SCHIP1: variants seen among roughly 807,000 people sequenced by gnomAD.
The protein encoded by SCHIP1 is schwannomin interacting protein 1, also known as schwannomin-interacting protein 1.
Under a neutral mutation model 29.7 loss-of-function variants are expected in SCHIP1, and 8 were observed. That is an observed-to-expected ratio of 0.27 (90% confidence interval 0.16 to 0.49). The LOEUF (loss-of-function observed/expected upper bound fraction) is 0.49, where lower values mean the gene tolerates loss of function less well. Ranked by LOEUF, SCHIP1 falls within the 20% of genes least tolerant of loss-of-function variation. The pLI is 0.99. For missense variants in SCHIP1, 193 were observed against 294.6 expected, an observed-to-expected ratio of 0.66 and a Z score of 2.52; for synonymous variants, 76 against 94.9, an observed-to-expected ratio of 0.80 and a Z score of 1.16.
chr3:159,543,463 C>T, the SCHIP1 span, among the ~76,000 whole-genome samples: 3 of 145,812 alleles, frequency 2.1e-5, no homozygotes, highest in Admixed American at 7.1e-5. Context: ...TGAGAACAAG[C>T]GGTGTTTGGT....
the SCHIP1 span, among the ~76,000 whole-genome samples, chr3:159,668,063 C>G: frequency 5.9e-5 from 9 of 152,284 alleles, no homozygotes; most frequent in Admixed American, 5.9e-4. Flanking sequence ...TGTGTGACTG[C>G]AAATTAGGTT....
At chr3:159,548,773 T>C in the SCHIP1 span, among the ~76,000 whole-genome samples, 1 of 152,146 alleles carries the variant, frequency 6.6e-6, no homozygotes, top group African/African-American at 2.4e-5. Flanking sequence ...AAATTTCTTA[T>C]CTCTTTAGTC....
chr3:159,326,522 A>G, the SCHIP1 span, among the ~76,000 whole-genome samples: 1 of 152,116 alleles, frequency 6.6e-6, no homozygotes, highest in African/African-American at 2.4e-5. Context: ...AACATAGCCC[A>G]TTTTTAAGGT....
the SCHIP1 span, among the ~76,000 whole-genome samples, chr3:159,376,182 G>A: frequency 6.6e-6 from 1 of 152,094 alleles, no homozygotes; most frequent in Non-Finnish European, 1.5e-5. Flanking sequence ...ATTAGAAAAA[G>A]GCTACTTACT....
At chr3:159,583,873 ATTC>A in the SCHIP1 span, among the ~76,000 whole-genome samples, 4 of 152,204 alleles carry the variant, frequency 2.6e-5, no homozygotes, top group Admixed American at 2.6e-4. Flanking sequence ...CATCATTTGC[ATTC>A]TTAACATGCC....
the SCHIP1 span, among the ~76,000 whole-genome samples, chr3:159,487,940 G>A: frequency 6.6e-6 from 1 of 152,152 alleles, no homozygotes; most frequent in Non-Finnish European, 1.5e-5. Flanking sequence ...CATAACACAT[G>A]ATCTTAAATA....
the SCHIP1 span, among the ~76,000 whole-genome samples, chr3:159,304,017 C>A: frequency 6.8e-6 from 1 of 147,634 alleles, no homozygotes; most frequent in Non-Finnish European, 1.5e-5. Context: ...CCCCCCTCCC[C>A]CAACCCCACA....
chr3:159,628,332 A>G, the SCHIP1 span, among the ~76,000 whole-genome samples: 1 of 152,320 alleles, frequency 6.6e-6, no homozygotes, highest in South Asian at 2.1e-4. Context: ...TATATTTGGG[A>G]AAATAGTTAA....
At chr3:159,303,767 A>G in the SCHIP1 span, among the ~76,000 whole-genome samples, 1 of 152,196 alleles carries the variant, frequency 6.6e-6, no homozygotes, top group African/African-American at 2.4e-5. Flanking sequence ...CAAAAATAAC[A>G]TAGCCATATT....
chr3:159,693,152 T>C, the SCHIP1 span, among the ~76,000 whole-genome samples: 1 of 152,146 alleles, frequency 6.6e-6, no homozygotes, highest in East Asian at 1.9e-4. Flanking sequence ...CGAATATCAG[T>C]AGGGAGGGGC....
chr3:159,523,549 C>T, the SCHIP1 span, among the ~76,000 whole-genome samples: 1 of 152,028 alleles, frequency 6.6e-6, no homozygotes, highest in African/African-American at 2.4e-5. Context: ...TAGTGTATGT[C>T]TGTAAATGTG....
At chr3:159,818,887 C>T in the SCHIP1 span, among the ~76,000 whole-genome samples, 1 of 152,036 alleles carries the variant, frequency 6.6e-6, no homozygotes, top group Non-Finnish European at 1.5e-5. Context: ...TGGTCCTTAC[C>T]CTCTGTCTTA....
the SCHIP1 span, among the ~76,000 whole-genome samples, chr3:159,657,659 G>A: frequency 1.7e-4 from 26 of 152,230 alleles, no homozygotes; most frequent in Admixed American, 1.3e-4. Flanking sequence ...CCAGGCGTAA[G>A]TTTAACAGTG....
At chr3:159,767,180 G>A in the SCHIP1 span, among the ~76,000 whole-genome samples, 1 of 152,202 alleles carries the variant, frequency 6.6e-6, no homozygotes, top group African/African-American at 2.4e-5. Flanking sequence ...TTACTAGTCA[G>A]TGTTGGTTTA....
the SCHIP1 span, among the ~76,000 whole-genome samples, chr3:159,390,723 TTCTA>T: frequency 1.3e-5 from 2 of 152,170 alleles, no homozygotes; most frequent in Non-Finnish European, 2.9e-5. Flanking sequence ...TCTTGCCCTG[TTCTA>T]TCCATTTGGC....
At chr3:159,729,133 T>G in the SCHIP1 span, among the ~76,000 whole-genome samples, 1 of 151,094 alleles carries the variant, frequency 6.6e-6, no homozygotes, top group African/African-American at 2.4e-5. Context: ...AGGAGACAGG[T>G]GAGACTCTGT....
chr3:159,559,566 T>C, the SCHIP1 span, among the ~76,000 whole-genome samples: 1 of 152,220 alleles, frequency 6.6e-6, no homozygotes, highest in South Asian at 2.1e-4. Flanking sequence ...AAAATTTACA[T>C]GTAATATACA....
chr3:159,713,097 G>GTGAGCCAAGATCGAGCCA, the SCHIP1 span, among the ~76,000 whole-genome samples: 3 of 150,788 alleles, frequency 2.0e-5, no homozygotes, highest in Admixed American at 6.6e-5. Context: ...AGAGGTTGTG[G>GTGAGCCAAGATCGAGCCA]TGAGCCAAGA....
the SCHIP1 span, among the ~76,000 whole-genome samples, chr3:159,423,321 G>A: frequency 6.6e-6 from 1 of 152,224 alleles, no homozygotes; most frequent in South Asian, 2.1e-4. Context: ...AGGGGTGACA[G>A]ACGGCACCTG....
Sources: allele counts gnomAD v4.1 joint callset (sites outside exome capture counted in the v4.1 genomes callset), GRCh38; gene constraint gnomAD v4.1.1; transcripts MANE v1.5; gene names NCBI Gene and HGNC (gene_info 2026-07-23, HGNC 2026-07-21).